The following CD58 variants were observed in gnomAD, a reference collection of about 807,000 sequenced individuals.
CD58 encodes the protein CD58 molecule.
In CD58, 14 loss-of-function variants were observed where a neutral mutation model predicts 27.6. The observed-to-expected ratio is 0.51, with a 90% CI of 0.34 to 0.79. The LOEUF is 0.79. CD58 is among the 30% of genes least tolerant of loss of function. The pLI is 0.02. For synonymous variants in CD58, 117 were observed against 103.8 expected (o/e 1.13, Z -0.77); for missense variants, 268 against 301.7 (o/e 0.89, Z 0.83).
chr1:116,525,283 T>G (rs181012822), intron 3 of CD58, among the ~76,000 whole-genome samples: 1 of 152,372 alleles, frequency 6.6e-6, no homozygotes, highest in East Asian at 1.9e-4. Flanking sequence ...AGGTAAAATT[T>G]GCATAGCATG....
chr1:116,561,258 A>G lies in CD58; in HGVS notation c.70+9645T>C, dbSNP rs562760973. Among the ~76,000 whole-genome samples the G allele has an allele frequency of 3.9e-5, 6 of 152,360 alleles. No homozygotes were observed. The East Asian group carries it at 9.6e-4, about 24-fold the overall frequency. On this transcript the variant is annotated intron_variant, in intron 1 of 5. Transcript: ENST00000369489. ...TGCCCATCAAAATTAAAACAAAAAA[A>G]CATAGCAACGAATACAATGAGTGAA...
In CD58 at chr1:116,532,922, C is replaced by G; in HGVS notation, c.628+3043G>C. ...GTCGCGACAGCCGGTCTGCCAGGCG[C>G]CCACCTCCACTTCCTACTGCTGCTT... On this transcript the variant is annotated intron_variant, in intron 3 of 5. Coordinates refer to ENST00000369489, the MANE Select transcript of CD58 (RefSeq NM_001779.3). The surrounding 1 kb of genome is among the most constrained non-coding windows in gnomAD (Gnocchi z 5.1). The G allele has an allele frequency of 4.7e-6, 5 of 1,062,470 alleles. No homozygotes were observed. The highest frequency in any genetic ancestry group is 2.1e-4 in the Middle Eastern group (1 of 4,672). The allele number at this position is 1,062,470 out of a possible 1,614,324, so 65.8% of individuals were successfully genotyped here. A position where few individuals can be genotyped will look rare whatever the true frequency, so the allele number is the denominator to read the frequency against.
At position 116,546,119 on chromosome 1, in the gene CD58, C is replaced by T. The variant is rs1658160931; in HGVS notation, c.71-1515G>A. On this transcript the variant is annotated intron_variant, in intron 1 of 5. Coordinates refer to ENST00000369489, the MANE Select transcript of CD58 (RefSeq NM_001779.3). The surrounding 1 kb of genome is among the most constrained non-coding windows in gnomAD (Gnocchi z 4.1). ...GCCATGAGGCAGAGATTGCAGTCAGCCATGATTGTGCCACTGCACTCCAGC... is the reference window on the plus strand; with the variant it reads ...GCCATGAGGCAGAGATTGCAGTCAGTCATGATTGTGCCACTGCACTCCAGC... 6.6e-6 allele frequency among the ~76,000 whole-genome samples: 1 copy of T among 152,192 alleles called. No individual in the cohort carries two copies. The highest frequency in any genetic ancestry group is 6.5e-5 in the Admixed American group (1 of 15,282).
At position 116,527,963 on chromosome 1, in the gene CD58, A is replaced by G. The variant is rs1657480105; in HGVS notation, c.629-5980T>C. Among the ~76,000 whole-genome samples, 1 of 152,170 alleles carries G rather than the reference A, an allele frequency of 6.6e-6. No homozygotes were observed. The highest frequency in any genetic ancestry group is 1.5e-5 in the Non-Finnish European group (1 of 68,022). ...TTTTTAGTAGAGATAGGGTCTCCCT[A>G]TGTTGCCCAGGCTGGTCTCGAACTC... On this transcript the variant is annotated intron_variant, in intron 3 of 5. Coordinates refer to ENST00000369489, the MANE Select transcript of CD58 (RefSeq NM_001779.3). The surrounding 1 kb of genome is among the most constrained non-coding windows in gnomAD (Gnocchi z 4.4).
At chr1:116,561,460 A>T (rs1407616895) in intron 1 of CD58, among the ~76,000 whole-genome samples, 1 of 152,224 alleles carries the variant, frequency 6.6e-6, no homozygotes, top group Admixed American at 6.5e-5. Flanking sequence ...TAGAGAATGT[A>T]AATATAATAA....
chr1:116,539,080 A>G (rs1207466063), intron 2 of CD58, among the ~76,000 whole-genome samples: 2 of 152,270 alleles, frequency 1.3e-5, no homozygotes, highest in Admixed American at 6.5e-5. Context: ...TACTTACTCT[A>G]TCAGACTGTA....
At position 116,522,641 on chromosome 1, in the gene CD58, T is replaced by C. The variant is rs546364551; in HGVS notation, c.629-658A>G. On this transcript the variant is annotated intron_variant, in intron 3 of 5. Coordinates refer to ENST00000369489, the MANE Select transcript of CD58 (RefSeq NM_001779.3). This position sits in a 1 kb window ranked among gnomAD's most constrained non-coding sequence, Gnocchi z 4.6. Reference sequence around the variant, plus strand: ...TGTTAACTTGACTCTGTAGAACTAATATGAATAACAAGATTCGACTATTTC... The same window carrying C: ...TGTTAACTTGACTCTGTAGAACTAACATGAATAACAAGATTCGACTATTTC... 2.6e-5 allele frequency among the ~76,000 whole-genome samples: 4 copies of C among 152,324 alleles called. No homozygotes were observed. In the East Asian group the frequency reaches 7.7e-4, roughly 29 times the overall value.
In CD58 at chr1:116,535,831, ACT is replaced by A. The variant is rs1452721712; in HGVS notation, c.628+132_628+133del. 188 of 460,202 alleles carry A rather than the reference ACT, an allele frequency of 4.1e-4. 1 individual carries two copies. The highest frequency in any genetic ancestry group is 6.3e-4 in the Middle Eastern group (1 of 1,588). The allele number at this position is 460,202 out of a possible 1,614,324, so 28.5% of individuals were successfully genotyped here. The stretch of plus-strand genomic sequence containing the variant: ...ACTCCAGCCTGGGCGACAGAGCGAG[ACT>A]CTGTCTCAAAAAAAAAAAAAAAAAA... On this transcript the variant is annotated intron_variant, in intron 3 of 5. Transcript: ENST00000369489.
chr1:116,565,470 G>C (rs543958627), intron 1 of CD58, among the ~76,000 whole-genome samples: 2 of 152,084 alleles, frequency 1.3e-5, no homozygotes, highest in Non-Finnish European at 2.9e-5. Context: ...GACCCTCCCT[G>C]ACCACACTAT....
chr1:116,542,874 G>A lies in CD58; in HGVS notation c.364+1437C>T, dbSNP rs78608190. Among the ~76,000 whole-genome samples, 175 of 152,272 alleles carry A rather than the reference G, an allele frequency of 1.1e-3. 1 individual carries two copies. In the East Asian group the frequency reaches 0.033, roughly 28 times the overall value. On this transcript the variant is annotated intron_variant, in intron 2 of 5. Coordinates refer to ENST00000369489, the MANE Select transcript of CD58 (RefSeq NM_001779.3). The stretch of plus-strand genomic sequence containing the variant: ...AGCTTGTGGAAATTGCCCTCTGATT[G>A]CTTATTCTCCTTAGTGAAATAAGAA...
rs1249742068 is a variant in CD58, at chr1:116,534,490, C to T, written c.628+1475G>A. On this transcript the variant is annotated intron_variant, in intron 3 of 5. Transcript: ENST00000369489. The surrounding 1 kb of genome is among the most constrained non-coding windows in gnomAD (Gnocchi z 5.3). ...GCGGGAGATTTGAGCTGCCAGCCCC[C>T]ACTCGCCGCCCTCTACGCCTCCTCC... 1.3e-5 allele frequency among the ~76,000 whole-genome samples: 2 copies of T among 152,200 alleles called. No individual in the cohort carries two copies. Among genetic ancestry groups the T allele is most frequent in the African/African-American group, 2.4e-5 (1 of 41,456 alleles).
rs1337762116 is a variant in CD58 at position 116,528,472 on chromosome 1, C to T, written c.629-6489G>A. Among the ~76,000 whole-genome samples, 2 of 152,142 alleles carry T rather than the reference C, an allele frequency of 1.3e-5. No homozygotes were observed. The highest frequency in any genetic ancestry group is 2.9e-5 in the Non-Finnish European group (2 of 68,026). On this transcript the variant is annotated intron_variant, in intron 3 of 5. Transcript: ENST00000369489. This position sits in a 1 kb window ranked among gnomAD's most constrained non-coding sequence, Gnocchi z 4.4. ...AAAGATCATCTAGTTGAACTCAGAA[C>T]AATGTTTGTTCTACATAACTTCAGG... is the stretch of plus-strand genomic sequence containing the variant.
intron 1 of CD58, among the ~76,000 whole-genome samples, chr1:116,567,073 A>G (rs922855364): frequency 3.3e-5 from 5 of 151,428 alleles, no homozygotes; most frequent in African/African-American, 1.2e-4. Context: ...CTGGGAGATC[A>G]AGGCTGCAGT....
Position 116,535,956 on chromosome 1 carries a change from T to C in CD58, c.628+9A>G, listed in dbSNP as rs556218424. 63 of 1,595,846 alleles carry C rather than the reference T, an allele frequency of 3.9e-5. No individual in the cohort carries two copies. The Admixed American group carries it at 1.0e-3, about 25-fold the overall frequency. ...AAAGCCTCCATGACACATTTAGTTA[T>C]TTACTCACCGCTGCTTGGGATACAG... On this transcript the variant is annotated intron_variant, in intron 3 of 5. Transcript: ENST00000369489.
rs150283101 is a variant in CD58, at chr1:116,523,149, G to A, written c.629-1166C>T. ...TCAATGATGTGCCCTTCTACTCCCC[G>A]CAAAAAGGCACAAAGATATTTACTG... On this transcript the variant is annotated intron_variant, in intron 3 of 5. Coordinates refer to ENST00000369489, the MANE Select transcript of CD58 (RefSeq NM_001779.3). The surrounding 1 kb of genome is among the most constrained non-coding windows in gnomAD (Gnocchi z 4.4). 9.3e-4 allele frequency among the ~76,000 whole-genome samples: 142 copies of A among 152,056 alleles called. No individual in the cohort carries two copies. In the Middle Eastern group the frequency reaches 0.014, roughly 15 times the overall value.
intron 5 of CD58, chr1:116,518,771 C>G (rs1325816821): frequency 3.0e-6 from 3 of 1,001,942 alleles, no homozygotes; most frequent in Non-Finnish European, 3.6e-6. Flanking sequence ...GACTACAGGC[C>G]CAGCTCTGAC....
chr1:116,551,547 A>T (rs1658391502), intron 1 of CD58, among the ~76,000 whole-genome samples: 1 of 152,102 alleles, frequency 6.6e-6, no homozygotes, highest in Non-Finnish European at 1.5e-5. Flanking sequence ...AGCTGGCTTG[A>T]TCTTCTATGC....
chr1:116,520,419 T>C (rs532312465), intron 4 of CD58, among the ~76,000 whole-genome samples: 1 of 151,264 alleles, frequency 6.6e-6, no homozygotes, highest in East Asian at 1.9e-4. Context: ...GGCCTCCAAA[T>C]TGTTTTTTTT....
At chr1:116,543,904 C>T (rs1658070946) in intron 2 of CD58, among the ~76,000 whole-genome samples, 1 of 152,118 alleles carries the variant, frequency 6.6e-6, no homozygotes. Flanking sequence ...GCCTTGGTAA[C>T]AGAGTGAGAC....
Sources: allele counts gnomAD v4.1 joint callset (sites outside exome capture counted in the v4.1 genomes callset), GRCh38; gene constraint gnomAD v4.1.1; non-coding constraint Gnocchi (gnomAD v3.1); transcripts MANE v1.5; gene names NCBI Gene and HGNC (gene_info 2026-07-23, HGNC 2026-07-21).